Variants in LDLRAD3 observed in about 807,000 individuals in gnomAD.
LDLRAD3 encodes the protein low-density lipoprotein receptor class A domain-containing protein 3.
In LDLRAD3, 20 loss-of-function variants were observed where a neutral mutation model predicts 29.4. The observed-to-expected ratio is 0.68, with a 90% CI of 0.48 to 0.99. LDLRAD3 has a LOEUF of 0.99. Ranked by LOEUF, LDLRAD3 falls within the 50% of genes least tolerant of loss-of-function variation. The pLI is 0.00. For synonymous variants in LDLRAD3, 157 were observed against 192.7 expected, an observed-to-expected ratio of 0.81 and a Z score of 1.53; for missense variants, 420 against 454.3, an observed-to-expected ratio of 0.92 and a Z score of 0.69.
At chr11:36,061,774 T>A (rs780000572) in intron 2 of LDLRAD3, among the ~76,000 whole-genome samples, 1 of 152,184 alleles carries the variant, frequency 6.6e-6, no homozygotes, top group African/African-American at 2.4e-5. Flanking sequence ...CCACAGAAAC[T>A]TTTATTACTA....
intron 1 of LDLRAD3, among the ~76,000 whole-genome samples, chr11:36,020,291 A>T (rs1565166331): frequency 6.6e-6 from 1 of 152,188 alleles, no homozygotes; most frequent in South Asian, 2.1e-4. Flanking sequence ...GAATAAAAAC[A>T]TGAATTTTTG....
intron 1 of LDLRAD3, chr11:35,972,626 G>T (rs145045400): frequency 6.6e-6 from 1 of 152,196 alleles, no homozygotes; most frequent in Non-Finnish European, 1.5e-5. Context: ...TGAGCAGATA[G>T]ATAGTCTGAA....
At chr11:36,158,525 CT>C (rs61352747) in intron 4 of LDLRAD3, among the ~76,000 whole-genome samples, 8,192 of 107,018 alleles carry the variant, frequency 0.077, 301 homozygotes, top group East Asian at 0.26. Flanking sequence ...ATGTTCTGGG[CT>C]TTTTTTTTTT....
At chr11:35,991,650 T>C (rs1851691119) in intron 1 of LDLRAD3, among the ~76,000 whole-genome samples, 1 of 151,984 alleles carries the variant, frequency 6.6e-6, no homozygotes, top group Admixed American at 6.6e-5. Flanking sequence ...GAAAAGGGAG[T>C]GGGCACGGGG....
intron 1 of LDLRAD3, among the ~76,000 whole-genome samples, chr11:36,010,519 T>C (rs1027786071): frequency 3.3e-5 from 5 of 152,192 alleles, no homozygotes; most frequent in African/African-American, 1.2e-4. Context: ...CAGGTTAACC[T>C]ACCTGAAGCA....
At chr11:36,199,986 G>A (rs1003455280) in intron 4 of LDLRAD3, among the ~76,000 whole-genome samples, 4 of 152,060 alleles carry the variant, frequency 2.6e-5, no homozygotes, top group Admixed American at 6.5e-5. Flanking sequence ...GGCCAACATG[G>A]TGAAACCCCA....
intron 4 of LDLRAD3, among the ~76,000 whole-genome samples, chr11:36,191,542 C>CTCTCTCTCTCTCTCTCTT (rs1425990162): frequency 4.7e-4 from 23 of 49,008 alleles, no homozygotes; most frequent in African/African-American, 2.1e-3. Context: ...GACCCTGTCT[C>CTCTCTCTCTCTCTCTCTT]TCTCTCTCTC....
intron 4 of LDLRAD3, among the ~76,000 whole-genome samples, chr11:36,157,107 C>T (rs1169034493): frequency 6.6e-6 from 1 of 152,144 alleles, no homozygotes; most frequent in Non-Finnish European, 1.5e-5. Context: ...CTATTAAGGG[C>T]AATCTTTTGG....
chr11:35,995,408 C>T (rs550934009), intron 1 of LDLRAD3, among the ~76,000 whole-genome samples: 2 of 152,290 alleles, frequency 1.3e-5, no homozygotes, highest in South Asian at 4.1e-4. Context: ...TTCAGTAAAC[C>T]ATGCTATAAA....
chr11:36,018,654 T>C (rs1852053629), intron 1 of LDLRAD3, among the ~76,000 whole-genome samples: 1 of 152,192 alleles, frequency 6.6e-6, no homozygotes, highest in Non-Finnish European at 1.5e-5. Context: ...TTATAAATTG[T>C]GCCAGGTGCT....
chr11:36,206,962 G>T (rs990501235), intron 4 of LDLRAD3, among the ~76,000 whole-genome samples: 1 of 151,972 alleles, frequency 6.6e-6, no homozygotes, highest in Non-Finnish European at 1.5e-5. Flanking sequence ...TCTTGACCTC[G>T]TGATACACCC....
chr11:36,201,067 C>G (rs1011594224), intron 4 of LDLRAD3, among the ~76,000 whole-genome samples: 14 of 152,042 alleles, frequency 9.2e-5, no homozygotes, highest in Non-Finnish European at 1.6e-4. Flanking sequence ...TTCTTGCATG[C>G]CAGATTGCAG....
chr11:36,162,765 T>C (rs757930718), intron 4 of LDLRAD3, among the ~76,000 whole-genome samples: 2 of 152,184 alleles, frequency 1.3e-5, no homozygotes, highest in Non-Finnish European at 2.9e-5. Context: ...GAATGCTTGA[T>C]TTGCAATGGA....
chr11:36,037,797 T>G (rs1027910886), intron 2 of LDLRAD3, among the ~76,000 whole-genome samples: 7 of 152,180 alleles, frequency 4.6e-5, no homozygotes, highest in African/African-American at 1.7e-4. Flanking sequence ...CAGAGAAGTT[T>G]TTGGGATGGG....
chr11:35,987,646 C>A (rs528722192), intron 1 of LDLRAD3, among the ~76,000 whole-genome samples: 1 of 152,278 alleles, frequency 6.6e-6, no homozygotes, highest in South Asian at 2.1e-4. Context: ...ACCATATTTT[C>A]TTTATCCCAT....
intron 1 of LDLRAD3, among the ~76,000 whole-genome samples, chr11:35,959,771 G>GA (rs1160755040): frequency 6.6e-6 from 1 of 151,654 alleles, no homozygotes; most frequent in African/African-American, 2.4e-5. Context: ...AAAATATACA[G>GA]AAAAAAAATT....
At chr11:36,188,097 C>G (rs1468493008) in intron 4 of LDLRAD3, among the ~76,000 whole-genome samples, 3 of 151,974 alleles carry the variant, frequency 2.0e-5, no homozygotes, top group African/African-American at 7.3e-5. Context: ...TTACTATTGA[C>G]CCAGCATGCT....
At chr11:36,227,568 T>A in intron 5 of LDLRAD3, 138 bp downstream of exon 5, 5 of 619,604 alleles carry the variant, frequency 8.1e-6, no homozygotes, top group Non-Finnish European at 1.3e-5. Context: ...ATCTGACATT[T>A]GCCGAGTCCT....
chr11:36,079,344 AT>A (rs1183143755), intron 2 of LDLRAD3, among the ~76,000 whole-genome samples: 1 of 152,212 alleles, frequency 6.6e-6, no homozygotes, highest in Non-Finnish European at 1.5e-5. Flanking sequence ...CAGTTTTTAA[AT>A]TCTATGAACT....
Sources: gnomAD v4.1 joint callset for allele counts (sites outside exome capture counted in the v4.1 genomes callset) on GRCh38, gnomAD v4.1.1 for gene constraint, MANE v1.5 for transcripts, NCBI Gene and HGNC (gene_info 2026-07-23, HGNC 2026-07-21) for gene names.